The following LYN variants were observed in gnomAD, a reference collection of about 807,000 sequenced individuals.
LYN encodes tyrosine-protein kinase Lyn.
Under a neutral mutation model 65.0 loss-of-function variants are expected in LYN, and 12 were observed. The observed-to-expected ratio is 0.18, with a 90% CI of 0.12 to 0.30. The LOEUF (loss-of-function observed/expected upper bound fraction) is 0.30, where lower values mean the gene tolerates loss of function less well. Ranked by LOEUF, LYN falls within the 10% of genes least tolerant of loss-of-function variation. The pLI is 1.00. For synonymous variants in LYN, 222 were observed against 221.2 expected (o/e 1.00, Z -0.03); for missense variants, 380 against 623.2 (o/e 0.61, Z 4.16).
At chr8:55,988,159 T>C (rs16920186) in intron 10 of LYN, among the ~76,000 whole-genome samples, 16,499 of 152,164 alleles carry the variant, frequency 0.11, 1,774 homozygotes, top group African/African-American at 0.28. Context: ...TAGAGGAATC[T>C]AGTGTTGGGG....
At chr8:55,881,469 T>TG (rs1427792154) in intron 1 of LYN, among the ~76,000 whole-genome samples, 2 of 152,174 alleles carry the variant, frequency 1.3e-5, no homozygotes, top group Non-Finnish European at 2.9e-5. Flanking sequence ...TAAGCTTTGT[T>TG]GGGAAAGGGT....
intron 10 of LYN, among the ~76,000 whole-genome samples, chr8:55,987,522 G>A (rs1335116468): frequency 6.6e-5 from 10 of 152,050 alleles, no homozygotes; most frequent in Non-Finnish European, 5.9e-5. Flanking sequence ...CCGCTTCCTG[G>A]GTTCAAGCCT....
intron 1 of LYN, among the ~76,000 whole-genome samples, chr8:55,918,799 G>C (rs1386181514): frequency 6.6e-6 from 1 of 152,086 alleles, no homozygotes; most frequent in Non-Finnish European, 1.5e-5. Flanking sequence ...CCAACTACAC[G>C]GGGATTCTGA....
chr8:55,957,339 C>A lies in LYN; in HGVS notation c.790+3355C>A, dbSNP rs112164934. On this transcript the variant is annotated intron_variant, in intron 8 of 12. Coordinates refer to ENST00000519728, the MANE Select transcript of LYN (RefSeq NM_002350.4). ...TTGGTGTATTTTCCCCAATTTTAAT[C>A]ATAAAACAGAGCCATAAATAATCCA... Among the ~76,000 whole-genome samples the A allele has an allele frequency of 2.3e-3, 348 of 152,224 alleles. 4 individuals carry two copies. Among genetic ancestry groups the A allele is most frequent in the African/African-American group, 8.0e-3 (332 of 41,522 alleles).
At chr8:56,003,219 CCA>C (rs113086332) in intron 12 of LYN, among the ~76,000 whole-genome samples, 4,123 of 151,864 alleles carry the variant, frequency 0.027, 176 homozygotes, top group African/African-American at 0.093. Flanking sequence ...GCCACCACGC[CCA>C]GCTAATTTTT....
At chr8:55,916,520 C>T (rs187073867) in intron 1 of LYN, among the ~76,000 whole-genome samples, 52 of 152,278 alleles carry the variant, frequency 3.4e-4, no homozygotes, top group African/African-American at 1.0e-3. Context: ...GTATCTACAC[C>T]GAGGACAGCA....
Position 56,010,437 on chromosome 8 carries a change from A to G in LYN, c.*327A>G. ...CACCCAACTAGCTCTATGTTTACAA[A>G]TGGACATAGGACTCAAAGTTTCAGA... On this transcript the variant is annotated 3_prime_UTR_variant, in exon 13 of 13. Coordinates refer to ENST00000519728, the MANE Select transcript of LYN (RefSeq NM_002350.4). 3 of 359,312 alleles carry G rather than the reference A, an allele frequency of 8.3e-6. No individual in the cohort carries two copies. In the East Asian group the frequency reaches 1.4e-4, roughly 16 times the overall value. The allele number at this position is 359,312 out of a possible 1,614,324, so 22.3% of individuals were successfully genotyped here.
intron 1 of LYN, among the ~76,000 whole-genome samples, chr8:55,904,186 G>C (rs1695874897): frequency 6.6e-6 from 1 of 152,052 alleles, no homozygotes; most frequent in Non-Finnish European, 1.5e-5. Flanking sequence ...TAAGTACGAT[G>C]AACAATTTTT....
At chr8:55,968,102 C>T (rs1807512165) in intron 9 of LYN, among the ~76,000 whole-genome samples, 1 of 152,110 alleles carries the variant, frequency 6.6e-6, no homozygotes, top group Non-Finnish European at 1.5e-5. Flanking sequence ...CCAATTAGCT[C>T]TTGTGGCTTG....
chr8:56,007,061 A>G (rs1486847193), intron 12 of LYN, among the ~76,000 whole-genome samples: 1 of 152,198 alleles, frequency 6.6e-6, no homozygotes, highest in Non-Finnish European at 1.5e-5. Context: ...AACATACTGG[A>G]ACCAGGAAAA....
At chr8:55,910,418 G>GTA (rs908637396) in intron 1 of LYN, among the ~76,000 whole-genome samples, 15 of 152,092 alleles carry the variant, frequency 9.9e-5, no homozygotes, top group African/African-American at 3.6e-4. Context: ...TTTTCCCAGT[G>GTA]TATGTTTTTG....
intron 1 of LYN, chr8:55,902,910 G>A (rs374629151): frequency 5.9e-4 from 209 of 352,888 alleles, no homozygotes; most frequent in Middle Eastern, 5.0e-3. Context: ...GTGCAGCGGC[G>A]CAATCTCCAC....
At chr8:56,003,908 T>C (rs1026628150) in intron 12 of LYN, among the ~76,000 whole-genome samples, 23 of 151,176 alleles carry the variant, frequency 1.5e-4, no homozygotes, top group Non-Finnish European at 1.5e-5. Flanking sequence ...TACAATGATA[T>C]TGTTATTAAA....
intron 10 of LYN, among the ~76,000 whole-genome samples, chr8:55,997,875 G>T (rs985108001): frequency 3.9e-5 from 6 of 152,168 alleles, no homozygotes; most frequent in African/African-American, 7.2e-5. Flanking sequence ...ACGAGGTCAG[G>T]AGATCGAGAC....
chr8:55,925,219 C>T (rs1027198078), intron 1 of LYN, among the ~76,000 whole-genome samples: 4 of 152,112 alleles, frequency 2.6e-5, no homozygotes, highest in Non-Finnish European at 5.9e-5. Flanking sequence ...AACTCCTGGG[C>T]TCAGGCAATC....
At chr8:55,915,226 A>G (rs181604043) in intron 1 of LYN, among the ~76,000 whole-genome samples, 3 of 152,254 alleles carry the variant, frequency 2.0e-5, no homozygotes, top group East Asian at 1.9e-4. Flanking sequence ...CCATATTCCA[A>G]CGCATAAGGT....
At chr8:55,894,406 G>C (rs986142446) in intron 1 of LYN, among the ~76,000 whole-genome samples, 5 of 147,394 alleles carry the variant, frequency 3.4e-5, no homozygotes, top group African/African-American at 1.2e-4. Context: ...TGGTCACTCT[G>C]TCACCCAAAC....
At chr8:55,894,412 C>G (rs1176564077) in intron 1 of LYN, among the ~76,000 whole-genome samples, 1 of 151,298 alleles carries the variant, frequency 6.6e-6, no homozygotes, top group Non-Finnish European at 1.5e-5. Flanking sequence ...CTCTGTCACC[C>G]AAACTTAAGT....
chr8:55,898,988 C>A (rs963975569), intron 1 of LYN, among the ~76,000 whole-genome samples: 1 of 119,740 alleles, frequency 8.4e-6, no homozygotes. Context: ...CTGTGCTGGG[C>A]TAATTTTTTT....
Sources: gnomAD v4.1 joint callset for allele counts (sites outside exome capture counted in the v4.1 genomes callset) on GRCh38, gnomAD v4.1.1 for gene constraint, MANE v1.5 for transcripts, NCBI Gene and HGNC (gene_info 2026-07-23, HGNC 2026-07-21) for gene names.